The following PXT1 variants were observed in gnomAD, a reference collection of about 807,000 sequenced individuals.
PXT1 encodes the protein peroxisomal testis-specific protein 1.
A neutral mutation model predicts 11.0 loss-of-function variants in PXT1; 11 were observed. The observed-to-expected ratio is 1.00, with a 90% confidence interval of 0.63 to 1.66. PXT1 has a LOEUF of 1.66. Ranked by LOEUF, PXT1 falls within the 40% of genes most tolerant of loss-of-function variation. PXT1 has a pLI of 0.00. For missense variants in PXT1, 141 were observed against 155.5 expected, an observed-to-expected ratio of 0.91 and a Z score of 0.49; for synonymous variants, 43 against 51.4, an observed-to-expected ratio of 0.84 and a Z score of 0.70.
At chr6:36,429,837 G>T (rs1774666965) in intron 2 of PXT1, among the ~76,000 whole-genome samples, 1 of 136,250 alleles carries the variant, frequency 7.3e-6, no homozygotes, top group Admixed American at 7.7e-5. Flanking sequence ...ATTTACGAAA[G>T]TTTTTACTTA....
chr6:36,426,439 C>T (rs1422962568), intron 2 of PXT1, among the ~76,000 whole-genome samples: 4 of 141,834 alleles, frequency 2.8e-5, no homozygotes, highest in East Asian at 2.2e-4. Context: ...GGCCCCATCT[C>T]GGCTCACCAC....
intron 4 of PXT1, 135 bp downstream of exon 4, chr6:36,400,318 TA>T: frequency 1.8e-6 from 2 of 1,084,558 alleles, no homozygotes; most frequent in Non-Finnish European, 2.6e-6. Flanking sequence ...TGTTTAGATC[TA>T]ACATTTGGTA....
intron 2 of PXT1, among the ~76,000 whole-genome samples, chr6:36,432,514 G>A (rs1436753761): frequency 1.3e-5 from 2 of 152,062 alleles, no homozygotes; most frequent in Non-Finnish European, 2.9e-5. Flanking sequence ...ATCCAAGGAA[G>A]GTCAAGCCTA....
intron 2 of PXT1, among the ~76,000 whole-genome samples, chr6:36,428,135 G>A (rs1774634727): frequency 6.6e-6 from 1 of 152,106 alleles, no homozygotes; most frequent in Non-Finnish European, 1.5e-5. Flanking sequence ...GATCAGCCCT[G>A]GATGAACTGA....
At chr6:36,433,524 A>C (rs1774721673) in intron 2 of PXT1, among the ~76,000 whole-genome samples, 1 of 152,080 alleles carries the variant, frequency 6.6e-6, no homozygotes, top group Non-Finnish European at 1.5e-5. Context: ...ATTGCTCTAC[A>C]TGAAAAGAGG....
At chr6:36,417,967 C>G (rs12181938) in intron 3 of PXT1, among the ~76,000 whole-genome samples, 40,529 of 151,438 alleles carry the variant, frequency 0.27, 5,457 homozygotes, top group East Asian at 0.39. Flanking sequence ...GAGGCTGAGG[C>G]GGGCGGATCA....
At chr6:36,426,363 T>G (rs1399989866) in intron 2 of PXT1, among the ~76,000 whole-genome samples, 2 of 47,974 alleles carry the variant, frequency 4.2e-5, no homozygotes, top group Non-Finnish European at 6.6e-5. Flanking sequence ...CGCTTTTTTT[T>G]TTTTTTTTTT....
intron 3 of PXT1, among the ~76,000 whole-genome samples, chr6:36,419,047 C>G (rs1175608934): frequency 6.6e-6 from 1 of 152,158 alleles, no homozygotes; most frequent in African/African-American, 2.4e-5. Flanking sequence ...AAAATTGTAT[C>G]TTGAAACATA....
At chr6:36,394,550 C>A (rs182901608) in intron 4 of PXT1, among the ~76,000 whole-genome samples, 1 of 151,922 alleles carries the variant, frequency 6.6e-6, no homozygotes, top group African/African-American at 2.4e-5. Flanking sequence ...TACCTAGACC[C>A]GGTGACAACT....
At chr6:36,398,484 C>A (rs1274974760) in intron 4 of PXT1, among the ~76,000 whole-genome samples, 1 of 152,184 alleles carries the variant, frequency 6.6e-6, no homozygotes, top group African/African-American at 2.4e-5. Context: ...AAATGTCCAA[C>A]CACTGGTGAA....
chr6:36,416,036 C>T (rs551634715), intron 3 of PXT1, among the ~76,000 whole-genome samples: 123 of 151,866 alleles, frequency 8.1e-4, no homozygotes, highest in African/African-American at 2.9e-3. Context: ...TAGTCACTAC[C>T]AGAAATAAAA....
chr6:36,405,055 T>C (rs1774269377), intron 3 of PXT1, among the ~76,000 whole-genome samples: 1 of 152,186 alleles, frequency 6.6e-6, no homozygotes, highest in African/African-American at 2.4e-5. Flanking sequence ...GACAGCTCCA[T>C]GCATATATTG....
intron 3 of PXT1, among the ~76,000 whole-genome samples, chr6:36,419,602 G>A (rs1430500670): frequency 1.3e-5 from 2 of 152,184 alleles, no homozygotes; most frequent in Non-Finnish European, 2.9e-5. Flanking sequence ...TTGAGGGCAT[G>A]TATCTATTTC....
chr6:36,413,357 C>T (rs1006477753), intron 3 of PXT1, among the ~76,000 whole-genome samples: 75 of 151,802 alleles, frequency 4.9e-4, no homozygotes, highest in Non-Finnish European at 1.3e-4. Flanking sequence ...GCGGAGCTTG[C>T]AGTGAGCAGA....
chr6:36,396,590 A>C lies in PXT1; in HGVS notation c.300+3864T>G, dbSNP rs184035888. Among the ~76,000 whole-genome samples the C allele has an allele frequency of 1.9e-4, 29 of 152,276 alleles. 1 individual carries two copies. Among genetic ancestry groups the C allele is most frequent in the African/African-American group, 7.0e-4 (29 of 41,578 alleles). On this transcript the variant is annotated intron_variant, in intron 4 of 4. Transcript: ENST00000454782. The stretch of plus-strand genomic sequence containing the variant: ...TGAGACCCCACCTTCAGGCCAGGGA[A>C]GGCCTAAAGGCTGGGGGCTAGGCTG...
chr6:36,404,858 C>T (rs531500602), intron 3 of PXT1, among the ~76,000 whole-genome samples: 2 of 152,014 alleles, frequency 1.3e-5, no homozygotes, highest in African/African-American at 4.8e-5. Context: ...CTAAGGAGGC[C>T]GAGGCAGAGA....
chr6:36,417,084 G>A (rs548802102), intron 3 of PXT1, among the ~76,000 whole-genome samples: 1 of 152,168 alleles, frequency 6.6e-6, no homozygotes, highest in African/African-American at 2.4e-5. Context: ...AGTGGCTCAC[G>A]CCTGTAATCC....
intron 4 of PXT1, among the ~76,000 whole-genome samples, chr6:36,394,104 T>C (rs1199843868): frequency 6.6e-6 from 1 of 152,214 alleles, no homozygotes; most frequent in African/African-American, 2.4e-5. Flanking sequence ...CCCCCTCTTA[T>C]AGTCGATATC....
At chr6:36,425,882 CTATT>C in intron 3 of PXT1, 28 bp downstream of exon 3, 1 of 1,465,060 alleles carries the variant, frequency 6.8e-7, no homozygotes. Context: ...GCTAAGTAAA[CTATT>C]TATCTTAGTT....
Sources: allele counts gnomAD v4.1 joint callset (sites outside exome capture counted in the v4.1 genomes callset), GRCh38; gene constraint gnomAD v4.1.1; transcripts MANE v1.5; gene names NCBI Gene and HGNC (gene_info 2026-07-23, HGNC 2026-07-21).